The following OTUD7A variants were observed in gnomAD, a reference collection of about 807,000 sequenced individuals.
OTUD7A encodes the protein OTU deubiquitinase 7A.
In OTUD7A, 12 loss-of-function variants were observed where a neutral mutation model predicts 65.7. The ratio of observed to expected loss-of-function variants is 0.18; its 90% CI spans 0.12 to 0.30. OTUD7A has a LOEUF of 0.30. Ranked by LOEUF, OTUD7A falls within the 10% of genes least tolerant of loss-of-function variation. OTUD7A has a pLI of 1.00. For synonymous variants in OTUD7A, 641 were observed against 586.3 expected, an observed-to-expected ratio of 1.09 and a Z score of -1.35; for missense variants, 1,148 against 1,304.8, an observed-to-expected ratio of 0.88 and a Z score of 1.85.
chr15:31,630,581 G>C (rs1341743920), intron 3 of OTUD7A, among the ~76,000 whole-genome samples: 1 of 152,166 alleles, frequency 6.6e-6, no homozygotes, highest in Non-Finnish European at 1.5e-5. Flanking sequence ...GGGGTGGAGA[G>C]TTCTGTAGAT....
At chr15:31,563,882 T>C (rs1262103404) in intron 4 of OTUD7A, among the ~76,000 whole-genome samples, 1 of 151,786 alleles carries the variant, frequency 6.6e-6, no homozygotes, top group African/African-American at 2.4e-5. Context: ...CTTCCCCGAC[T>C]CTCATCTGGA....
At chr15:31,807,217 G>A (rs1297387129) in intron 1 of OTUD7A, among the ~76,000 whole-genome samples, 4 of 152,056 alleles carry the variant, frequency 2.6e-5, no homozygotes, top group African/African-American at 7.2e-5. Context: ...ATCGAGCCTC[G>A]GAGAAGCTAA....
chr15:31,684,722 A>G (rs1339289221), intron 1 of OTUD7A, among the ~76,000 whole-genome samples: 1 of 147,708 alleles, frequency 6.8e-6, no homozygotes, highest in Non-Finnish European at 1.5e-5. Flanking sequence ...AGAGAGCCTG[A>G]GCAAGACAGA....
chr15:31,852,828 T>A (rs1897464610), intron 1 of OTUD7A, among the ~76,000 whole-genome samples: 1 of 152,258 alleles, frequency 6.6e-6, no homozygotes, highest in South Asian at 2.1e-4. Flanking sequence ...TTCATTACAT[T>A]AATGATTTAA....
intron 1 of OTUD7A, among the ~76,000 whole-genome samples, chr15:31,693,501 A>G (rs1893005304): frequency 6.6e-6 from 1 of 151,982 alleles, no homozygotes; most frequent in Non-Finnish European, 1.5e-5. Flanking sequence ...TTCTAAAACA[A>G]AACAGGCATT....
chr15:31,607,486 C>T (rs1252944736), intron 3 of OTUD7A, among the ~76,000 whole-genome samples: 1 of 152,096 alleles, frequency 6.6e-6, no homozygotes, highest in African/African-American at 2.4e-5. Flanking sequence ...GCAAACTTCA[C>T]TTTCTCAGGA....
At chr15:31,636,483 T>C (rs1891346071) in intron 3 of OTUD7A, among the ~76,000 whole-genome samples, 1 of 152,136 alleles carries the variant, frequency 6.6e-6, no homozygotes, top group Non-Finnish European at 1.5e-5. Context: ...GGCCTCCCTA[T>C]TCCCTGAGAC....
At chr15:31,600,390 C>A (rs570461014) in intron 3 of OTUD7A, among the ~76,000 whole-genome samples, 2 of 152,280 alleles carry the variant, frequency 1.3e-5, no homozygotes, top group East Asian at 3.9e-4. Flanking sequence ...AAATAAAATC[C>A]TTTACAGACA....
At chr15:31,746,507 ATTTT>A (rs33918687) in intron 1 of OTUD7A, among the ~76,000 whole-genome samples, 16 of 143,490 alleles carry the variant, frequency 1.1e-4, no homozygotes, top group Non-Finnish European at 1.5e-4. Flanking sequence ...GTTTTTACAT[ATTTT>A]TTTTTTTTTT....
At chr15:31,699,228 C>T (rs1364224626) in intron 1 of OTUD7A, among the ~76,000 whole-genome samples, 4 of 151,820 alleles carry the variant, frequency 2.6e-5, no homozygotes, top group Admixed American at 6.6e-5. Context: ...TACAGGCGCC[C>T]GCCACCACGC....
At chr15:31,654,849 G>C (rs1173372097) in intron 3 of OTUD7A, among the ~76,000 whole-genome samples, 3 of 152,148 alleles carry the variant, frequency 2.0e-5, no homozygotes, top group Admixed American at 2.0e-4. Flanking sequence ...CGCTAACACA[G>C]AGATATGAAA....
Position 31,808,136 on chromosome 15 carries a change from C to CAAAA in OTUD7A, c.-100+62370_-100+62371insTTTT, listed in dbSNP as rs1555420129. Among the ~76,000 whole-genome samples the CAAAA allele has an allele frequency of 6.6e-4, 79 of 119,510 alleles. 1 individual carries two copies. Among genetic ancestry groups the CAAAA allele is most frequent in the African/African-American group, 2.0e-3 (72 of 35,734 alleles). 78.4% of individuals were successfully genotyped at this position (119,510 alleles called of 152,430 possible). ...ACACACACACACACACACACACACA[C>CAAAA]AAACAAATCCTCACCAGGTTTTTCC... On this transcript the variant is annotated intron_variant, in intron 1 of 12. Transcript: ENST00000307050.
In OTUD7A at chr15:31,501,845, G is replaced by A; in HGVS notation, c.1022-6C>T. The stretch of plus-strand genomic sequence containing the variant: ...GAATGGGATGGGTGCGAACGCTGTG[G>A]ACACAAACCAGGGTGAGGGTGTGAG... On this transcript the variant is annotated splice_polypyrimidine_tract_variant and splice_region_variant and intron_variant, in intron 9 of 12. Transcript: ENST00000307050. 2 of 1,605,470 alleles carry A rather than the reference G, an allele frequency of 1.2e-6. No individual in the cohort carries two copies. Among genetic ancestry groups the A allele is most frequent in the Non-Finnish European group, 1.7e-6 (2 of 1,175,048 alleles).
chr15:31,788,792 A>C (rs1331343303), intron 1 of OTUD7A, among the ~76,000 whole-genome samples: 2 of 152,230 alleles, frequency 1.3e-5, no homozygotes. Context: ...TATCCACAGC[A>C]TACAGTAGAT....
intron 3 of OTUD7A, among the ~76,000 whole-genome samples, chr15:31,641,303 G>A (rs1160439072): frequency 6.6e-6 from 1 of 152,180 alleles, no homozygotes; most frequent in African/African-American, 2.4e-5. Context: ...GGAACTGTGA[G>A]TCAACTAAGC....
At chr15:31,654,553 C>T in intron 3 of OTUD7A, among the ~76,000 whole-genome samples, 1 of 152,152 alleles carries the variant, frequency 6.6e-6, no homozygotes, top group Non-Finnish European at 1.5e-5. Context: ...ACTGGTCCCT[C>T]CCACCTTTAC....
At chr15:31,793,927 A>G (rs1037182863) in intron 1 of OTUD7A, among the ~76,000 whole-genome samples, 1 of 152,258 alleles carries the variant, frequency 6.6e-6, no homozygotes, top group African/African-American at 2.4e-5. Context: ...TGATGCTACC[A>G]AGGAAGCCTA....
At chr15:31,739,630 T>C (rs1250350243) in intron 1 of OTUD7A, among the ~76,000 whole-genome samples, 3 of 152,168 alleles carry the variant, frequency 2.0e-5, no homozygotes, top group Non-Finnish European at 4.4e-5. Flanking sequence ...TGTCACTCTG[T>C]TGCCCAGGCT....
At chr15:31,790,096 C>G (rs1895775422) in intron 1 of OTUD7A, among the ~76,000 whole-genome samples, 1 of 152,224 alleles carries the variant, frequency 6.6e-6, no homozygotes, top group African/African-American at 2.4e-5. Flanking sequence ...CCATGTGGAG[C>G]CACCACCGCC....
Sources: allele counts gnomAD v4.1 joint callset (sites outside exome capture counted in the v4.1 genomes callset), GRCh38; gene constraint gnomAD v4.1.1; transcripts MANE v1.5; gene names NCBI Gene and HGNC (gene_info 2026-07-23, HGNC 2026-07-21).